Variants in MEAF6 observed in about 807,000 individuals in gnomAD.
MEAF6 encodes the protein MYST/Esa1 associated factor 6.
MEAF6 carries 15 observed loss-of-function variants against 28.9 expected under a neutral mutation model. The observed-to-expected ratio is 0.52, with a 90% CI of 0.35 to 0.80. The LOEUF (loss-of-function observed/expected upper bound fraction) is 0.80. MEAF6 is among the 30% of genes least tolerant of loss of function. The pLI, the probability that MEAF6 is intolerant of heterozygous loss-of-function variation, is 0.01. For missense variants in MEAF6, 178 were observed against 237.5 expected, an observed-to-expected ratio of 0.75 and a Z score of 1.65; for synonymous variants, 97 against 88.7, an observed-to-expected ratio of 1.09 and a Z score of -0.53.
rs1351252265 is a variant in MEAF6 at position 37,500,429 on chromosome 1, C to T, written c.533+1375G>A. 2.0e-5 allele frequency among the ~76,000 whole-genome samples: 3 copies of T among 152,162 alleles called. No homozygotes were observed. In the East Asian group the frequency reaches 5.8e-4, roughly 29 times the overall value. ...CTCTGTTATTCGTGATAAGCTAGCA[C>T]CAGTCTTACTACAGTTGGTCAAATA... On this transcript the variant is annotated intron_variant, in intron 5 of 6. Transcript: ENST00000296214.
At chr1:37,499,547 T>A (rs921743896) in intron 5 of MEAF6, among the ~76,000 whole-genome samples, 2 of 152,106 alleles carry the variant, frequency 1.3e-5, no homozygotes, top group Admixed American at 6.5e-5. Flanking sequence ...TTTGCTTCCC[T>A]AGAAAGGAAA....
At chr1:37,500,683 G>A (rs1642271743) in intron 5 of MEAF6, among the ~76,000 whole-genome samples, 1 of 152,136 alleles carries the variant, frequency 6.6e-6, no homozygotes. Flanking sequence ...CAATCAAGGA[G>A]GTTCAAATCA....
intron 5 of MEAF6, chr1:37,496,494 G>C: frequency 2.2e-6 from 2 of 925,994 alleles, no homozygotes; most frequent in South Asian, 2.8e-5. Context: ...AAATTAAAAT[G>C]CATAAAAGTG....
chr1:37,514,752 G>T lies in MEAF6; in HGVS notation c.-6C>A, dbSNP rs1260399533. On this transcript the variant is annotated 5_prime_UTR_variant, in exon 1 of 7. Transcript: ENST00000296214. ...GCCTTGTTGTGCATCGCCATGTTGG[G>T]CTGAGGCGGGCGGCGGCGGCGCGAG... 2.0e-6 allele frequency: 3 copies of T among 1,470,826 alleles called. No individual in the cohort carries two copies. The highest frequency in any genetic ancestry group is 1.8e-6 in the Non-Finnish European group (2 of 1,112,532). 91.1% of individuals were successfully genotyped at this position (1,470,826 alleles called of 1,614,324 possible).
At chr1:37,500,514 TAC>T (rs1229063196) in intron 5 of MEAF6, among the ~76,000 whole-genome samples, 4 of 152,328 alleles carry the variant, frequency 2.6e-5, no homozygotes, top group Admixed American at 2.6e-4. Context: ...TAATTCTTAC[TAC>T]AGTTATGCGA....
chr1:37,495,819 C>T (rs1181393938), intron 6 of MEAF6, 66 bp downstream of exon 6: 16 of 1,500,244 alleles, frequency 1.1e-5, no homozygotes, highest in South Asian at 9.0e-5. Context: ...GCTCTGAAGA[C>T]AAATACATTT....
intron 1 of MEAF6, 131 bp downstream of exon 1, chr1:37,514,526 G>T: frequency 1.8e-6 from 1 of 564,370 alleles, no homozygotes; most frequent in Non-Finnish European, 2.7e-6. Context: ...CCCGGCCTCA[G>T]GCCGCCGAGC....
At chr1:37,512,614 G>T (rs1479246326) in intron 2 of MEAF6, among the ~76,000 whole-genome samples, 1 of 152,224 alleles carries the variant, frequency 6.6e-6, no homozygotes, top group Non-Finnish European at 1.5e-5. Context: ...GGTCAGTTGG[G>T]CGTGGTGGCT....
rs1272603462 is a variant in MEAF6 at position 37,493,441 on chromosome 1, G to T, written c.*658C>A. On this transcript the variant is annotated 3_prime_UTR_variant, in exon 7 of 7. Coordinates refer to ENST00000296214, the MANE Select transcript of MEAF6 (RefSeq NM_001270875.3). ...CTACTACCAACTCAGAAAGATTTAAGATAGGTAATTACTAAACACTCTTTA... is the reference window on the plus strand; with the variant it reads ...CTACTACCAACTCAGAAAGATTTAATATAGGTAATTACTAAACACTCTTTA... 1 of 307,936 alleles carries T rather than the reference G, an allele frequency of 3.2e-6. No individual in the cohort carries two copies. Among genetic ancestry groups the T allele is most frequent in the African/African-American group, 2.2e-5 (1 of 46,396 alleles). 19.1% of individuals were successfully genotyped at this position (307,936 alleles called of 1,614,324 possible).
intron 2 of MEAF6, among the ~76,000 whole-genome samples, chr1:37,510,902 A>G (rs150688968): frequency 6.6e-6 from 1 of 151,796 alleles, no homozygotes; most frequent in Non-Finnish European, 1.5e-5. Flanking sequence ...TTGTACTTTT[A>G]GTAGAGACAG....
rs1641899899 is a variant in MEAF6 at position 37,490,741 on chromosome 1, A to G, written c.*3358T>C. 6.6e-6 allele frequency among the ~76,000 whole-genome samples: 1 copy of G among 152,174 alleles called. No homozygotes were observed. The highest frequency in any genetic ancestry group is 2.4e-5 in the African/African-American group (1 of 41,448). Reference sequence around the variant, plus strand: ...GTGAATTTTTAAGCAATAATGCCTCATTAGGCCGGGTGCAGTGGCTCACGC... The same window carrying G: ...GTGAATTTTTAAGCAATAATGCCTCGTTAGGCCGGGTGCAGTGGCTCACGC... On this transcript the variant is annotated 3_prime_UTR_variant, in exon 7 of 7. Coordinates refer to ENST00000296214, the MANE Select transcript of MEAF6 (RefSeq NM_001270875.3).
At chr1:37,500,128 T>G (rs1384992578) in intron 5 of MEAF6, among the ~76,000 whole-genome samples, 1 of 152,092 alleles carries the variant, frequency 6.6e-6, no homozygotes, top group Non-Finnish European at 1.5e-5. Context: ...GAAACGTGTC[T>G]CTACTAAAAA....
intron 2 of MEAF6, among the ~76,000 whole-genome samples, chr1:37,510,077 AT>A (rs958473140): frequency 0.021 from 2,759 of 133,308 alleles, 17 homozygotes; most frequent in African/African-American, 0.021. Context: ...GCGCCCAGAC[AT>A]TTTTTTTTTT....
In MEAF6 at chr1:37,491,527, T is replaced by C. The variant is rs990033695; in HGVS notation, c.*2572A>G. On this transcript the variant is annotated 3_prime_UTR_variant, in exon 7 of 7. Transcript: ENST00000296214. ...TGGGCAACATAGCAAGAAGCCATCA[T>C]TACAAAATAAAAATGTTTTAAATTA... Among the ~76,000 whole-genome samples, 2 of 152,112 alleles carry C rather than the reference T, an allele frequency of 1.3e-5. No homozygotes were observed. The highest frequency in any genetic ancestry group is 1.3e-4 in the Admixed American group (2 of 15,264).
intron 6 of MEAF6, among the ~76,000 whole-genome samples, chr1:37,495,653 A>G (rs1001064698): frequency 7.3e-6 from 1 of 136,502 alleles, no homozygotes; most frequent in African/African-American, 2.6e-5. Context: ...ACTGCACTCT[A>G]GCCTAGGTGA....
intron 4 of MEAF6, among the ~76,000 whole-genome samples, chr1:37,502,344 G>A (rs1642336094): frequency 6.6e-6 from 1 of 152,208 alleles, no homozygotes; most frequent in Middle Eastern, 3.4e-3. Flanking sequence ...CCAGAGCACT[G>A]GGATCACAGG....
Position 37,501,935 on chromosome 1 carries a change from C to T in MEAF6, c.402G>A (p.Glu134=), listed in dbSNP as rs747004013. Residue 134 remains glutamate, a synonymous_variant, in exon 5 of 7, where the codon GAG becomes GAA. Transcript: ENST00000296214. ...GATCCTCAGGGTCCTCCTGGCTGGG[C>T]TCATTTTCCTGATTGTGGAAGTCTG... ...TSPDFHNQEN[E]PSQEDPEDLD... 10 of 1,611,194 alleles carry T rather than the reference C, an allele frequency of 6.2e-6. No individual in the cohort carries two copies. Among genetic ancestry groups the T allele is most frequent in the Non-Finnish European group, 8.5e-6 (10 of 1,177,708 alleles).
intron 2 of MEAF6, among the ~76,000 whole-genome samples, chr1:37,511,355 T>G (rs1358983317): frequency 1.3e-5 from 2 of 152,184 alleles, no homozygotes; most frequent in Non-Finnish European, 2.9e-5. Context: ...AGAATGCCAG[T>G]AATAAATATA....
chr1:37,499,325 T>C (rs1642221418), intron 5 of MEAF6, among the ~76,000 whole-genome samples: 1 of 152,196 alleles, frequency 6.6e-6, no homozygotes, highest in Non-Finnish European at 1.5e-5. Context: ...ATATGGGGTA[T>C]GGCACACTGG....
Sources: allele counts gnomAD v4.1 joint callset (sites outside exome capture counted in the v4.1 genomes callset), GRCh38; gene constraint gnomAD v4.1.1; transcripts MANE v1.5; gene names NCBI Gene and HGNC (gene_info 2026-07-23, HGNC 2026-07-21).